GREB1L: variants seen among roughly 807,000 people sequenced by gnomAD.
GREB1L encodes the protein GREB1 like retinoic acid receptor coactivator, also known as GREB1-like protein.
A neutral mutation model predicts 200.8 loss-of-function variants in GREB1L; 17 were observed. The observed-to-expected ratio is 0.08, with a 90% CI of 0.06 to 0.13. The LOEUF (loss-of-function observed/expected upper bound fraction) is 0.13. GREB1L is among the 10% of genes least tolerant of loss of function. The probability of loss-of-function intolerance (pLI) is 1.00; values close to 1 mark genes in which losing one functional copy is unlikely to be tolerated. For missense variants in GREB1L, 1,657 were observed against 2,367.7 expected, an observed-to-expected ratio of 0.70 and a Z score of 6.23; for synonymous variants, 789 against 893.0, an observed-to-expected ratio of 0.88 and a Z score of 2.08.
intron 29 of GREB1L, among the ~76,000 whole-genome samples, chr18:21,516,202 A>G (rs2037412243): frequency 6.6e-6 from 1 of 152,194 alleles, no homozygotes; most frequent in South Asian, 2.1e-4. Context: ...CAGGAACCAT[A>G]AAGTCCTTAT....
At chr18:21,392,894 C>T (rs1204321555) in intron 4 of GREB1L, among the ~76,000 whole-genome samples, 1 of 152,024 alleles carries the variant, frequency 6.6e-6, no homozygotes, top group African/African-American at 2.4e-5. Context: ...ATCTTAACCT[C>T]CTAGGTAGCT....
At chr18:21,285,398 A>G (rs945635123) in intron 1 of GREB1L, among the ~76,000 whole-genome samples, 19 of 152,102 alleles carry the variant, frequency 1.2e-4, no homozygotes, top group African/African-American at 4.3e-4. Flanking sequence ...TATTATTCTT[A>G]TTTTCCTAAG....
At chr18:21,367,749 T>C (rs1268568258) in intron 2 of GREB1L, among the ~76,000 whole-genome samples, 1 of 152,186 alleles carries the variant, frequency 6.6e-6, no homozygotes, top group East Asian at 1.9e-4. Context: ...TGTTTCTTCC[T>C]GAATGTGGTC....
intron 28 of GREB1L, among the ~76,000 whole-genome samples, chr18:21,514,778 A>G (rs2037359960): frequency 6.6e-6 from 1 of 151,958 alleles, no homozygotes; most frequent in African/African-American, 2.4e-5. Flanking sequence ...AAGTCATCTC[A>G]CCTCTCCATA....
chr18:21,330,782 C>G (rs2039095575), intron 1 of GREB1L, among the ~76,000 whole-genome samples: 1 of 152,100 alleles, frequency 6.6e-6, no homozygotes, highest in African/African-American at 2.4e-5. Context: ...GCTTCCTTGA[C>G]ATACCTAATT....
intron 1 of GREB1L, among the ~76,000 whole-genome samples, chr18:21,281,368 G>C (rs773878317): frequency 6.6e-6 from 1 of 152,074 alleles, no homozygotes; most frequent in Non-Finnish European, 1.5e-5. Flanking sequence ...TGTTGTTGCT[G>C]TTTCATTTAC....
intron 7 of GREB1L, among the ~76,000 whole-genome samples, chr18:21,430,023 C>A (rs1011205085): frequency 1.3e-5 from 2 of 152,116 alleles, no homozygotes; most frequent in African/African-American, 4.8e-5. Flanking sequence ...CTCACGTGGC[C>A]TTTCCTCTGT....
intron 27 of GREB1L, among the ~76,000 whole-genome samples, chr18:21,509,944 C>T (rs966750839): frequency 1.3e-5 from 2 of 152,024 alleles, no homozygotes; most frequent in East Asian, 1.9e-4. Context: ...CGGTAGCTTA[C>T]GCCTGTAATC....
intron 1 of GREB1L, among the ~76,000 whole-genome samples, chr18:21,277,461 A>G (rs2038187617): frequency 1.3e-5 from 2 of 151,924 alleles, no homozygotes; most frequent in Non-Finnish European, 2.9e-5. Flanking sequence ...TTAGTTTCCC[A>G]CTTTGGTTTT....
At chr18:21,422,660 G>C (rs1472460272) in intron 7 of GREB1L, among the ~76,000 whole-genome samples, 2 of 152,008 alleles carry the variant, frequency 1.3e-5, no homozygotes, top group Non-Finnish European at 2.9e-5. Context: ...ATACTATCTG[G>C]ATATGCCATA....
intron 1 of GREB1L, among the ~76,000 whole-genome samples, chr18:21,284,391 T>G (rs1402479617): frequency 3.3e-5 from 5 of 152,218 alleles, no homozygotes; most frequent in African/African-American, 1.2e-4. Context: ...TCTATAGATA[T>G]GCCTATTCTA....
chr18:21,492,387 G>A (rs1192961430), intron 19 of GREB1L, among the ~76,000 whole-genome samples: 1 of 152,032 alleles, frequency 6.6e-6, no homozygotes, highest in Admixed American at 6.6e-5. Context: ...TGGAAAGGCG[G>A]ACAATCAGCA....
intron 5 of GREB1L, 43 bp from the exon 6 acceptor site, chr18:21,401,107 C>G: frequency 2.1e-6 from 3 of 1,461,894 alleles, no homozygotes; most frequent in Non-Finnish European, 2.8e-6. Flanking sequence ...AGTATTGTAT[C>G]AACTTACAAG....
intron 1 of GREB1L, among the ~76,000 whole-genome samples, chr18:21,243,599 C>G (rs2037545042): frequency 6.6e-6 from 1 of 152,188 alleles, no homozygotes; most frequent in South Asian, 2.1e-4. Context: ...AACTCAGTCC[C>G]CCTTAATAAA....
chr18:21,426,582 C>T (rs1381853621), intron 7 of GREB1L, among the ~76,000 whole-genome samples: 1 of 152,146 alleles, frequency 6.6e-6, no homozygotes, highest in Non-Finnish European at 1.5e-5. Flanking sequence ...ATGCCAACAC[C>T]ACACTGCATA....
At chr18:21,416,232 A>T (rs1387228963) in intron 7 of GREB1L, among the ~76,000 whole-genome samples, 1 of 152,180 alleles carries the variant, frequency 6.6e-6, no homozygotes, top group African/African-American at 2.4e-5. Flanking sequence ...ACAGTAATGG[A>T]AACTATCTGC....
In GREB1L at chr18:21,524,351, T is replaced by A. The variant is rs953075161; in HGVS notation, c.*1530T>A. 1 of 152,254 alleles carries A rather than the reference T, an allele frequency of 6.6e-6. No individual in the cohort carries two copies. Among genetic ancestry groups the A allele is most frequent in the Non-Finnish European group, 1.5e-5 (1 of 68,032 alleles). The allele number at this position is 152,254 out of a possible 1,614,324, so 9.4% of individuals were successfully genotyped here. The stretch of plus-strand genomic sequence containing the variant: ...CTCTTGGTTTTAATATAGCTACTTA[T>A]AATGCTTTAACTGTATTTTGAAGTG... On this transcript the variant is annotated 3_prime_UTR_variant, in exon 33 of 33. Transcript: ENST00000424526.
intron 28 of GREB1L, among the ~76,000 whole-genome samples, chr18:21,514,760 A>G (rs1322629102): frequency 2.0e-5 from 3 of 152,190 alleles, no homozygotes; most frequent in Non-Finnish European, 4.4e-5. Context: ...TGTCTGTATG[A>G]AAAAGGAAAG....
intron 12 of GREB1L, 124 bp downstream of exon 12, chr18:21,449,960 G>T: frequency 1.3e-6 from 1 of 764,616 alleles, no homozygotes; most frequent in African/African-American, 1.8e-5. Flanking sequence ...CTGGAGCTTG[G>T]GCTCATCCTC....
Sources: gnomAD v4.1 joint callset for allele counts (sites outside exome capture counted in the v4.1 genomes callset) on GRCh38, gnomAD v4.1.1 for gene constraint, MANE v1.5 for transcripts, NCBI Gene and HGNC (gene_info 2026-07-23, HGNC 2026-07-21) for gene names.